Variants in GAS7 observed in about 807,000 individuals in gnomAD.
The protein encoded by GAS7 is growth arrest specific 7.
In GAS7, 28 loss-of-function variants were observed where a neutral mutation model predicts 71.1. The observed-to-expected ratio is 0.39, with a 90% CI of 0.29 to 0.54. GAS7 has a LOEUF of 0.54. Ranked by LOEUF, GAS7 falls within the 20% of genes least tolerant of loss-of-function variation. The pLI is 0.62. For synonymous variants in GAS7, 258 were observed against 245.8 expected (o/e 1.05, Z -0.46); for missense variants, 436 against 627.8 (o/e 0.69, Z 3.27).
chr17:9,918,786 C>G lies in GAS7; in HGVS notation c.1219-687G>C, dbSNP rs114923151. ...CTAGATGGTTTTGTGTCTTTGGAAT[C>G]TAGGGGATCCGGCTGTTACTCTGCA... On this transcript the variant is annotated intron_variant, in intron 12 of 13. Coordinates refer to ENST00000432992, the MANE Select transcript of GAS7 (RefSeq NM_201433.2). Among the ~76,000 whole-genome samples, 885 of 152,258 alleles carry G rather than the reference C, an allele frequency of 5.8e-3. 8 individuals are homozygous for G. The highest frequency in any genetic ancestry group is 0.02 in the African/African-American group (831 of 41,546).
intron 1 of GAS7, among the ~76,000 whole-genome samples, chr17:10,153,038 C>CA (rs397857973): frequency 0.029 from 2,174 of 75,942 alleles, 74 homozygotes; most frequent in African/African-American, 0.07. Flanking sequence ...ACTAAAAATA[C>CA]AAAAAAAAAA....
chr17:9,987,932 C>T lies in GAS7; in HGVS notation c.305-6048G>A, dbSNP rs556798145. Among the ~76,000 whole-genome samples the T allele has an allele frequency of 1.4e-4, 22 of 152,370 alleles. No homozygotes were observed. In the East Asian group the frequency reaches 2.3e-3, roughly 16 times the overall value. On this transcript the variant is annotated intron_variant, in intron 2 of 13. Transcript: ENST00000432992. ...TGGCCATGGGCCCACCTACAAGCCT[C>T]TGGCCCCCAGTGGCCTCCTGCTGGG...
chr17:10,036,550 C>A, intron 1 of GAS7: 1 of 1,577,162 alleles, frequency 6.3e-7, no homozygotes, highest in Admixed American at 1.8e-5. Context: ...TCATGGCAGC[C>A]TCTCCGGGAA....
intron 1 of GAS7, among the ~76,000 whole-genome samples, chr17:10,079,906 A>C (rs756629036): frequency 6.6e-6 from 1 of 152,244 alleles, no homozygotes; most frequent in Non-Finnish European, 1.5e-5. Flanking sequence ...AGCTATGAGT[A>C]AATATAACTA....
chr17:9,983,239 C>T (rs1190832525), intron 2 of GAS7, among the ~76,000 whole-genome samples: 1 of 152,202 alleles, frequency 6.6e-6, no homozygotes, highest in East Asian at 1.9e-4. Flanking sequence ...CGTCTTATCT[C>T]AATACTTTTG....
chr17:9,982,778 A>T (rs2070457623), intron 2 of GAS7, among the ~76,000 whole-genome samples: 1 of 133,950 alleles, frequency 7.5e-6, no homozygotes, highest in East Asian at 2.0e-4. Flanking sequence ...TCTGCCTCAA[A>T]AAAAAAGAAA....
intron 1 of GAS7, among the ~76,000 whole-genome samples, chr17:10,072,206 G>A (rs1567580047): frequency 6.6e-6 from 1 of 152,088 alleles, no homozygotes; most frequent in Non-Finnish European, 1.5e-5. Context: ...CCCTGAGGAA[G>A]CACCTCTACC....
intron 11 of GAS7, 28 bp downstream of exon 11, chr17:9,925,448 C>T: frequency 5.6e-6 from 9 of 1,613,260 alleles, no homozygotes; most frequent in Non-Finnish European, 7.6e-6. Context: ...TGTGCACTGA[C>T]CAGGCCAGGC....
At chr17:10,023,043 G>A (rs1033566538) in intron 1 of GAS7, among the ~76,000 whole-genome samples, 32 of 152,288 alleles carry the variant, frequency 2.1e-4, no homozygotes, top group Admixed American at 2.6e-4. Flanking sequence ...TGATGACCAC[G>A]AGGTCTCCCG....
intron 1 of GAS7, among the ~76,000 whole-genome samples, chr17:10,095,531 T>A (rs1307448607): frequency 6.6e-6 from 1 of 152,058 alleles, no homozygotes; most frequent in Non-Finnish European, 1.5e-5. Flanking sequence ...AATGTGTAAG[T>A]TTCTCAGATC....
chr17:9,959,374 C>T lies in GAS7; in HGVS notation c.472-119G>A. ...GAATCAGGGATGCTCAGTCTGAATCCTAAGTCACCATATTCTGGGCCAGGG... is the reference window on the plus strand; with the variant it reads ...GAATCAGGGATGCTCAGTCTGAATCTTAAGTCACCATATTCTGGGCCAGGG... On this transcript the variant is annotated intron_variant, in intron 4 of 13. Transcript: ENST00000432992. This position sits in a 1 kb window ranked among gnomAD's most constrained non-coding sequence, Gnocchi z 5.0. The T allele has an allele frequency of 6.5e-7, 1 of 1,542,782 alleles. No individual in the cohort carries two copies. The highest frequency in any genetic ancestry group is 8.8e-7 in the Non-Finnish European group (1 of 1,141,050).
chr17:9,948,551 C>A (rs2068879144), intron 5 of GAS7, among the ~76,000 whole-genome samples: 1 of 152,084 alleles, frequency 6.6e-6, no homozygotes, highest in East Asian at 1.9e-4. Context: ...GGCGTGGTGG[C>A]ATGTGCCTGT....
chr17:10,011,884 G>C (rs142354914), intron 2 of GAS7, among the ~76,000 whole-genome samples: 308 of 152,004 alleles, frequency 2.0e-3, no homozygotes, highest in Non-Finnish European at 3.5e-3. Flanking sequence ...GCTGAGGCAG[G>C]AGAATCGCTT....
intron 5 of GAS7, among the ~76,000 whole-genome samples, chr17:9,955,751 C>T (rs76655715): frequency 0.018 from 2,799 of 152,296 alleles, 135 homozygotes; most frequent in East Asian, 0.11. Context: ...GGCACGCCTC[C>T]CCGTGTGTAC....
chr17:9,928,247 G>A (rs1384922851), intron 9 of GAS7, among the ~76,000 whole-genome samples: 1 of 151,310 alleles, frequency 6.6e-6, no homozygotes, highest in Admixed American at 6.6e-5. Flanking sequence ...CGAGTAGCTG[G>A]GACTACAGGC....
intron 1 of GAS7, among the ~76,000 whole-genome samples, chr17:10,130,634 C>G (rs1271799952): frequency 6.6e-6 from 1 of 152,158 alleles, no homozygotes; most frequent in Non-Finnish European, 1.5e-5. Context: ...ATAAACAAAA[C>G]GTGATCTATC....
intron 1 of GAS7, among the ~76,000 whole-genome samples, chr17:10,094,189 G>A (rs2152257660): frequency 1.3e-5 from 2 of 152,342 alleles, no homozygotes; most frequent in Middle Eastern, 3.4e-3. Flanking sequence ...GCAGGCCCCA[G>A]GCACTCAGCA....
chr17:10,146,139 C>T (rs112575329), intron 1 of GAS7, among the ~76,000 whole-genome samples: 1 of 152,176 alleles, frequency 6.6e-6, no homozygotes, highest in African/African-American at 2.4e-5. Flanking sequence ...CTGTCCACAT[C>T]GAGCACCAAG....
At chr17:10,038,239 T>TC (rs1461061132) in intron 1 of GAS7, among the ~76,000 whole-genome samples, 2 of 152,110 alleles carry the variant, frequency 1.3e-5, no homozygotes, top group Admixed American at 6.5e-5. Context: ...ATACCTGTAG[T>TC]CCCAGCTACT....
Sources: allele counts gnomAD v4.1 joint callset (sites outside exome capture counted in the v4.1 genomes callset), GRCh38; gene constraint gnomAD v4.1.1; non-coding constraint Gnocchi (gnomAD v3.1); transcripts MANE v1.5; gene names NCBI Gene and HGNC (gene_info 2026-07-23, HGNC 2026-07-21).